SLC39A8: variants seen among roughly 807,000 people sequenced by gnomAD.
SLC39A8 encodes solute carrier family 39 member 8, also known as metal cation symporter ZIP8.
A neutral mutation model predicts 40.4 loss-of-function variants in SLC39A8; 15 were observed. The observed-to-expected ratio is 0.37, with a 90% CI of 0.25 to 0.57. The LOEUF (loss-of-function observed/expected upper bound fraction) is 0.57, where lower values mean the gene tolerates loss of function less well. Ranked by LOEUF, SLC39A8 falls within the 20% of genes least tolerant of loss-of-function variation. The pLI is 0.75. For synonymous variants in SLC39A8, 223 were observed against 221.6 expected, an observed-to-expected ratio of 1.01 and a Z score of -0.06; for missense variants, 472 against 558.8, an observed-to-expected ratio of 0.84 and a Z score of 1.57.
intron 6 of SLC39A8, among the ~76,000 whole-genome samples, chr4:102,272,750 G>A (rs1205745801): frequency 6.6e-6 from 1 of 152,036 alleles, no homozygotes; most frequent in African/African-American, 2.4e-5. Flanking sequence ...TCCAACTGAG[G>A]TACCCAGTTC....
chr4:102,320,436 G>A (rs1734905635), intron 2 of SLC39A8, among the ~76,000 whole-genome samples: 1 of 98,446 alleles, frequency 1.0e-5, no homozygotes, highest in Non-Finnish European at 2.0e-5. Flanking sequence ...ATATATATAT[G>A]AGAATATATA....
At chr4:102,251,701 T>G (rs1399105341) in exon 12 of SLC39A8, 1 of 152,220 alleles carries the variant, frequency 6.6e-6, no homozygotes, top group East Asian at 1.9e-4. Context: ...AGGACAGTAG[T>G]TTTGAAAAGG....
chr4:102,254,822 T>C (rs1184459065), intron 11 of SLC39A8, among the ~76,000 whole-genome samples: 1 of 152,218 alleles, frequency 6.6e-6, no homozygotes, highest in Admixed American at 6.5e-5. Flanking sequence ...TAGAATATTA[T>C]TTCAACACCA....
At chr4:102,334,561 A>G (rs1294848822) in intron 2 of SLC39A8, among the ~76,000 whole-genome samples, 1 of 152,222 alleles carries the variant, frequency 6.6e-6, no homozygotes, top group South Asian at 2.1e-4. Flanking sequence ...TCACTCAAAC[A>G]AGAGGGGAAC....
Position 102,315,679 on chromosome 4 carries a change from C to A in SLC39A8, c.371G>T (p.Ser124Ile). The A allele has an allele frequency of 6.2e-7, 1 of 1,608,054 alleles. No homozygotes were observed. Among genetic ancestry groups the A allele is most frequent in the Non-Finnish European group, 8.5e-7 (1 of 1,177,280 alleles). Residue 124 changes from serine (S) to isoleucine (I), a missense_variant, in exon 3 of 9, where the codon AGT becomes ATT. By Grantham distance (142) the Ser-to-Ile change is moderately radical. Transcript: ENST00000356736. ...EDRPKHKTRP[S>I]HSEVWGYGFL... ...TGCTTCTAATATACCTTCTGAATGA[C>A]TTGGTCTTGTTTTGTGCTTGGGCCG...
chr4:102,275,545 C>T (rs1732580099), intron 6 of SLC39A8, among the ~76,000 whole-genome samples: 1 of 152,048 alleles, frequency 6.6e-6, no homozygotes, highest in East Asian at 1.9e-4. Context: ...GGAGAATTTA[C>T]CACCCCACTT....
chr4:102,335,988 G>A (rs1015149431), intron 2 of SLC39A8, among the ~76,000 whole-genome samples: 10 of 152,136 alleles, frequency 6.6e-5, no homozygotes, highest in East Asian at 3.9e-4. Flanking sequence ...TAGCTATATC[G>A]AGTAACATAC....
At chr4:102,251,559 G>A (rs779835093) in exon 12 of SLC39A8, 1 of 152,166 alleles carries the variant, frequency 6.6e-6, no homozygotes, top group Non-Finnish European at 1.5e-5. Context: ...AGGTTAACGG[G>A]AGAAAAGCAT....
In SLC39A8 at chr4:102,262,948, A is replaced by C. The variant is rs1731931440; in HGVS notation, c.*96T>G. On this transcript the variant is annotated 3_prime_UTR_variant, in exon 9 of 9. Coordinates refer to ENST00000356736, the MANE Select transcript of SLC39A8 (RefSeq NM_001135146.2). ...TGGACCTACAGTTGAAAGCAAAATT[A>C]TCTTTTTAACTAAATAGGATCAGCT... 6.9e-7 allele frequency: 1 copy of C among 1,459,846 alleles called. No individual in the cohort carries two copies. The highest frequency in any genetic ancestry group is 9.0e-7 in the Non-Finnish European group (1 of 1,109,842). The allele number at this position is 1,459,846 out of a possible 1,614,324, so 90.4% of individuals were successfully genotyped here. A position where few individuals can be genotyped will look rare whatever the true frequency, so the allele number is the denominator to read the frequency against.
chr4:102,297,184 T>C lies in SLC39A8; in HGVS notation c.840+7133A>G, dbSNP rs1197702293. Among the ~76,000 whole-genome samples the C allele has an allele frequency of 2.0e-5, 3 of 152,120 alleles. No homozygotes were observed. The East Asian group carries it at 5.8e-4, about 29-fold the overall frequency. On this transcript the variant is annotated intron_variant, in intron 6 of 8. Transcript: ENST00000356736. The stretch of plus-strand genomic sequence containing the variant: ...TTTAGAAACTGTACATGATTAAGCA[T>C]GTACGGAGATGATGAGGAAGGCTGG...
chr4:102,326,510 G>A (rs571245368), intron 2 of SLC39A8, among the ~76,000 whole-genome samples: 7 of 152,256 alleles, frequency 4.6e-5, no homozygotes, highest in African/African-American at 1.4e-4. Context: ...GCAGTGAGCC[G>A]AGATCGCGCC....
chr4:102,319,759 C>T (rs1459183459), intron 2 of SLC39A8, among the ~76,000 whole-genome samples: 5 of 152,084 alleles, frequency 3.3e-5, no homozygotes, highest in African/African-American at 1.2e-4. Flanking sequence ...TGACTGGCCA[C>T]TGGCTTCCCA....
intron 6 of SLC39A8, among the ~76,000 whole-genome samples, chr4:102,292,936 T>C (rs957994480): frequency 3.3e-5 from 5 of 152,048 alleles, no homozygotes; most frequent in African/African-American, 9.7e-5. Context: ...GTTTTAGAAG[T>C]TGAAGAAACC....
In SLC39A8 at chr4:102,320,395, T is replaced by TATATATATGAGA. The variant is rs1560561318; in HGVS notation, c.220-4566_220-4565insTCTCATATATAT. 2.2e-4 allele frequency among the ~76,000 whole-genome samples: 14 copies of TATATATATGAGA among 64,858 alleles called. 1 individual carries two copies. The highest frequency in any genetic ancestry group is 9.1e-4 in the South Asian group (2 of 2,200). 42.5% of individuals were successfully genotyped at this position (64,858 alleles called of 152,430 possible). The stretch of plus-strand genomic sequence containing the variant: ...ATATATATGAGAATATATATATGAG[T>TATATATATGAGA]ATATATATATGAGAATATATATATG... On this transcript the variant is annotated intron_variant, in intron 2 of 8. Coordinates refer to ENST00000356736, the MANE Select transcript of SLC39A8 (RefSeq NM_001135146.2).
intron 2 of SLC39A8, among the ~76,000 whole-genome samples, chr4:102,343,543 C>A (rs1736030106): frequency 6.6e-6 from 1 of 152,152 alleles, no homozygotes; most frequent in Non-Finnish European, 1.5e-5. Context: ...GAAAACAAGT[C>A]AAAGCACTGA....
intron 4 of SLC39A8, among the ~76,000 whole-genome samples, chr4:102,306,874 T>G (rs1036002663): frequency 1.3e-5 from 2 of 152,036 alleles, no homozygotes; most frequent in Admixed American, 1.3e-4. Flanking sequence ...ATAACACATT[T>G]TATCAAAGAA....
intron 2 of SLC39A8, among the ~76,000 whole-genome samples, chr4:102,328,841 C>T (rs533980569): frequency 3.3e-5 from 5 of 152,032 alleles, no homozygotes; most frequent in Admixed American, 2.6e-4. Context: ...CTGGTTAACA[C>T]GGTGAAACCC....
At chr4:102,303,153 A>G (rs1733992436) in intron 6 of SLC39A8, among the ~76,000 whole-genome samples, 2 of 151,722 alleles carry the variant, frequency 1.3e-5, no homozygotes, top group South Asian at 4.2e-4. Flanking sequence ...CTTTTATATC[A>G]TGTTTAACTA....
chr4:102,277,656 A>G (rs1732682116), intron 6 of SLC39A8, among the ~76,000 whole-genome samples: 1 of 152,206 alleles, frequency 6.6e-6, no homozygotes, highest in Non-Finnish European at 1.5e-5. Context: ...TTATAGAACC[A>G]AAAAAGAGCC....
Sources: allele counts gnomAD v4.1 joint callset (sites outside exome capture counted in the v4.1 genomes callset), GRCh38; gene constraint gnomAD v4.1.1; transcripts MANE v1.5; gene names NCBI Gene and HGNC (gene_info 2026-07-23, HGNC 2026-07-21).